CA6: variants seen among roughly 807,000 people sequenced by gnomAD.
The protein encoded by CA6 is carbonic anhydrase 6, also known as carbonate dehydratase VI.
CA6 carries 28 observed loss-of-function variants against 35.9 expected under a neutral mutation model. The observed-to-expected ratio is 0.78, with a 90% CI of 0.58 to 1.07. The LOEUF (loss-of-function observed/expected upper bound fraction) is 1.07. CA6 is among the 50% of genes least tolerant of loss of function. CA6 has a pLI of 0.00. For missense variants in CA6, 377 were observed against 382.0 expected, an observed-to-expected ratio of 0.99 and a Z score of 0.11; for synonymous variants, 148 against 152.6, an observed-to-expected ratio of 0.97 and a Z score of 0.22.
chr1:8,946,317 C>A (rs913987593), intron 1 of CA6, among the ~76,000 whole-genome samples: 18 of 152,058 alleles, frequency 1.2e-4, no homozygotes, highest in African/African-American at 4.4e-4. Flanking sequence ...CAGGCATGAG[C>A]CATTGCGCCC....
At chr1:8,950,037 T>A (rs1639483574) in intron 2 of CA6, among the ~76,000 whole-genome samples, 1 of 152,084 alleles carries the variant, frequency 6.6e-6, no homozygotes, top group Non-Finnish European at 1.5e-5. Context: ...TGGAGTGCAG[T>A]GGCAGGATCT....
chr1:8,959,013 A>C lies in CA6; in HGVS notation c.501+11A>C, dbSNP rs906357682. ...GCAGCCTTCGTTGAGGTAAGCAGAAACTACCCATGTGTGTCTGTATTTGAA... is the reference window on the plus strand; with the variant it reads ...GCAGCCTTCGTTGAGGTAAGCAGAACCTACCCATGTGTGTCTGTATTTGAA... On this transcript the variant is annotated intron_variant, in intron 4 of 7. Transcript: ENST00000377443. 6.5e-7 allele frequency: 1 copy of C among 1,537,254 alleles called. No homozygotes were observed. The highest frequency in any genetic ancestry group is 9.0e-7 in the Non-Finnish European group (1 of 1,110,358).
intron 7 of CA6, among the ~76,000 whole-genome samples, chr1:8,973,176 C>T (rs565992131): frequency 7.9e-5 from 12 of 152,276 alleles, no homozygotes; most frequent in African/African-American, 2.6e-4. Context: ...CGCGCCCCCA[C>T]GCCAGGCTAA....
At chr1:8,955,318 GTGAGCTGAGGTCA>G (rs1435641914) in intron 2 of CA6, among the ~76,000 whole-genome samples, 37 of 152,326 alleles carry the variant, frequency 2.4e-4, no homozygotes, top group African/African-American at 8.4e-4. Context: ...CGAGGCTGCA[GTGAGCTGAGGTCA>G]TGCCACTGCA....
chr1:8,952,231 G>C (rs1401152838), intron 2 of CA6: 1 of 152,128 alleles, frequency 6.6e-6, no homozygotes, highest in Non-Finnish European at 1.5e-5. Context: ...CTGCCTCCTA[G>C]GGTCAAGCAA....
intron 4 of CA6, among the ~76,000 whole-genome samples, chr1:8,959,687 T>A (rs1171674222): frequency 6.6e-6 from 1 of 151,862 alleles, no homozygotes; most frequent in Non-Finnish European, 1.5e-5. Context: ...ATCCTAGCAC[T>A]TTGGGAGGCC....
intron 3 of CA6, among the ~76,000 whole-genome samples, chr1:8,958,394 C>G (rs1639747399): frequency 6.6e-6 from 1 of 152,078 alleles, no homozygotes. Context: ...TCTCAAACTC[C>G]TGACCTCAAG....
At chr1:8,958,046 A>C (rs1639737471) in intron 3 of CA6, among the ~76,000 whole-genome samples, 1 of 152,176 alleles carries the variant, frequency 6.6e-6, no homozygotes, top group Admixed American at 6.5e-5. Flanking sequence ...ACAGATCACC[A>C]CTTTGTGACA....
intron 2 of CA6, among the ~76,000 whole-genome samples, chr1:8,953,311 A>G (rs1309032400): frequency 1.3e-5 from 2 of 152,086 alleles, no homozygotes; most frequent in Non-Finnish European, 2.9e-5. Flanking sequence ...TTTGGCAGTT[A>G]TGAATAAAGC....
chr1:8,953,955 T>G lies in CA6; in HGVS notation c.260-3182T>G, dbSNP rs1410222823. 3.3e-5 allele frequency among the ~76,000 whole-genome samples: 5 copies of G among 152,294 alleles called. No individual in the cohort carries two copies. In the East Asian group the frequency reaches 9.6e-4, roughly 29 times the overall value. On this transcript the variant is annotated intron_variant, in intron 2 of 7. Transcript: ENST00000377443. The stretch of plus-strand genomic sequence containing the variant: ...AATCAAGATGGCCACGAGAGTGACC[T>G]CCAGTTGTCCTCACTGCTACAGTCC...
intron 2 of CA6, among the ~76,000 whole-genome samples, chr1:8,954,492 C>T (rs1324588889): frequency 6.6e-6 from 1 of 151,894 alleles, no homozygotes; most frequent in Admixed American, 6.6e-5. Context: ...AATAAACTTG[C>T]TTTCACTTTA....
At chr1:8,953,363 C>T (rs76837727) in intron 2 of CA6, among the ~76,000 whole-genome samples, 9,081 of 152,190 alleles carry the variant, frequency 0.06, 472 homozygotes, top group African/African-American at 0.14. Context: ...GTGGCTCATG[C>T]CTGTAACCCC....
intron 5 of CA6, among the ~76,000 whole-genome samples, chr1:8,966,282 G>C (rs935402186): frequency 2.0e-5 from 3 of 151,896 alleles, no homozygotes; most frequent in African/African-American, 7.3e-5. Flanking sequence ...GCTAATTTTT[G>C]TATTTTTAGT....
chr1:8,965,581 T>G (rs1290793761), intron 5 of CA6, among the ~76,000 whole-genome samples: 1 of 152,152 alleles, frequency 6.6e-6, no homozygotes, highest in Non-Finnish European at 1.5e-5. Context: ...GTTATCAGAA[T>G]TTCATTCCTT....
At chr1:8,957,000 G>A in intron 2 of CA6, 137 bp from the exon 3 acceptor site, 1 of 688,060 alleles carries the variant, frequency 1.5e-6, no homozygotes, top group South Asian at 2.7e-5. Context: ...CCTGCCCATG[G>A]CATTCTAAGC....
At chr1:8,971,484 T>C (rs565719559) in intron 7 of CA6, among the ~76,000 whole-genome samples, 5 of 151,926 alleles carry the variant, frequency 3.3e-5, no homozygotes, top group Non-Finnish European at 7.4e-5. Flanking sequence ...GCTAATTTTT[T>C]TTTTTTAACT....
At chr1:8,962,874 G>A (rs372397228) in intron 5 of CA6, among the ~76,000 whole-genome samples, 16 of 152,180 alleles carry the variant, frequency 1.1e-4, no homozygotes, top group East Asian at 5.8e-4. Context: ...GCATAAATTC[G>A]ATGTGTCATT....
chr1:8,957,020 G>A, intron 2 of CA6, 117 bp from the exon 3 acceptor site: 1 of 864,950 alleles, frequency 1.2e-6, no homozygotes, highest in Non-Finnish European at 1.7e-6. Context: ...CCAGTCTATG[G>A]TATTGGCTTG....
At chr1:8,958,840 C>T (rs768055861) in intron 3 of CA6, 70 bp from the exon 4 acceptor site, 4 of 863,110 alleles carry the variant, frequency 4.6e-6, no homozygotes, top group Non-Finnish European at 7.6e-6. Flanking sequence ...TCTCTTCCTC[C>T]TTCCCTGGAA....
Sources: gnomAD v4.1 joint callset for allele counts (sites outside exome capture counted in the v4.1 genomes callset) on GRCh38, gnomAD v4.1.1 for gene constraint, MANE v1.5 for transcripts, NCBI Gene and HGNC (gene_info 2026-07-23, HGNC 2026-07-21) for gene names.